MTHFD1: variants seen among roughly 807,000 people sequenced by gnomAD.
The protein encoded by MTHFD1 is methylenetetrahydrofolate dehydrogenase, cyclohydrolase and formyltetrahydrofolate synthetase 1.
MTHFD1 carries 44 observed loss-of-function variants against 110.3 expected under a neutral mutation model. The observed-to-expected ratio is 0.40, with a 90% CI of 0.31 to 0.51. The LOEUF (loss-of-function observed/expected upper bound fraction) is 0.51. MTHFD1 is among the 20% of genes least tolerant of loss of function. The pLI, the probability that MTHFD1 is intolerant of heterozygous loss-of-function variation, is 0.60. For missense variants in MTHFD1, 909 were observed against 1,173.1 expected (o/e 0.77, Z 3.29); for synonymous variants, 402 against 428.8 (o/e 0.94, Z 0.77).
rs920352416 is a variant in MTHFD1, at chr14:64,448,391, G to A, written c.2279+74G>A. The A allele has an allele frequency of 2.3e-5, 27 of 1,194,330 alleles. No individual in the cohort carries two copies. In the South Asian group the frequency reaches 2.9e-4, roughly 13 times the overall value. 74.0% of individuals were successfully genotyped at this position (1,194,330 alleles called of 1,614,324 possible). On this transcript the variant is annotated intron_variant, in intron 23 of 27. Transcript: ENST00000652337. ...AGCTGATTGTACAGCACTGCTTTTAGCTTTATTTTGTTTTTCAGTTACTGC... is the reference window on the plus strand; with the variant it reads ...AGCTGATTGTACAGCACTGCTTTTAACTTTATTTTGTTTTTCAGTTACTGC...
At chr14:64,440,456 C>A in intron 18 of MTHFD1, 190 bp downstream of exon 18, 1 of 714,702 alleles carries the variant, frequency 1.4e-6, no homozygotes, top group Non-Finnish European at 2.5e-6. Flanking sequence ...TGAATAATAG[C>A]TGGTATGCTT....
Position 64,454,889 on chromosome 14 carries a change from G to A in MTHFD1, c.2718+14G>A. The A allele has an allele frequency of 6.2e-7, 1 of 1,613,786 alleles. No individual in the cohort carries two copies. Among genetic ancestry groups the A allele is most frequent in the Non-Finnish European group, 8.5e-7 (1 of 1,179,690 alleles). ...TTAGTAGGAACGGTAAGTGCATGCT[G>A]CAAGGGAGTAGTGGGCGCATCTGCA... is the stretch of plus-strand genomic sequence containing the variant. On this transcript the variant is annotated intron_variant, in intron 26 of 27. Transcript: ENST00000652337.
chr14:64,448,366 A>G (rs1008344314), intron 23 of MTHFD1, 49 bp downstream of exon 23: 2 of 1,362,050 alleles, frequency 1.5e-6, no homozygotes, highest in African/African-American at 2.9e-5. Flanking sequence ...AATCTCCTGG[A>G]GCTGATTGTA....
chr14:64,442,468 C>T, intron 21 of MTHFD1, 66 bp downstream of exon 21: 1 of 1,529,164 alleles, frequency 6.5e-7, no homozygotes, highest in Non-Finnish European at 9.0e-7. Flanking sequence ...AGTTGGATGA[C>T]TTCTGCCTGT....
chr14:64,440,025 C>G, intron 17 of MTHFD1, 101 bp from the exon 18 acceptor site: 1 of 1,028,292 alleles, frequency 9.7e-7, no homozygotes, highest in Non-Finnish European at 1.4e-6. Context: ...TCCTTTTAAG[C>G]TATTTGTTTA....
At chr14:64,450,834 AGT>A (rs200717274) in intron 24 of MTHFD1, among the ~76,000 whole-genome samples, 4,381 of 152,134 alleles carry the variant, frequency 0.029, 188 homozygotes, top group African/African-American at 0.1. Flanking sequence ...CAGCCCCCTG[AGT>A]AGGTGGGACC....
Position 64,441,404 on chromosome 14 carries a change from C to T in MTHFD1, c.1835C>T (p.Thr612Ile), listed in dbSNP as rs369899921. The T allele has an allele frequency of 6.2e-7, 1 of 1,613,942 alleles. No individual in the cohort carries two copies. Among genetic ancestry groups the T allele is most frequent in the African/African-American group, 1.3e-5 (1 of 74,882 alleles). Residue 612 changes from threonine to isoleucine, a missense_variant, in exon 19 of 28, where the codon ACA becomes ATA. Coordinates refer to ENST00000652337, the MANE Select transcript of MTHFD1 (RefSeq NM_005956.4). ...AEDLGVSGAL[T>I]VLMKDAIKPN... ...TTGTAGGGGGTGAGTGGTGCACTGA[C>T]AGTGCTTATGAAGGACGCAATCAAG...
intron 23 of MTHFD1, chr14:64,448,535 TTCCTTTCCAC>T: frequency 1.8e-6 from 1 of 570,696 alleles, no homozygotes; most frequent in Non-Finnish European, 3.1e-6. Context: ...ATGGGCCCTT[TTCCTTTCCAC>T]TGGGGGAAGT....
In MTHFD1 at chr14:64,431,636, C is replaced by A; in HGVS notation, c.1416C>A (p.Asp472Glu). The A allele has an allele frequency of 6.2e-7, 1 of 1,613,852 alleles. No homozygotes were observed. The highest frequency in any genetic ancestry group is 8.5e-7 in the Non-Finnish European group (1 of 1,179,762). ...ARIFHELTQTDKALFNRLVPS... is the reference protein window; with the variant it reads ...ARIFHELTQTEKALFNRLVPS... ...TATTTCATGAACTGACCCAGACAGACAAGGTAGGATGCCAAAGCCCCATGA... is the reference window on the plus strand; with the variant it reads ...TATTTCATGAACTGACCCAGACAGAAAAGGTAGGATGCCAAAGCCCCATGA... Residue 472 changes from aspartate to glutamate, a missense_variant, in exon 14 of 28, where the codon GAC (aspartate) becomes GAA (glutamate). Coordinates refer to ENST00000652337, the MANE Select transcript of MTHFD1 (RefSeq NM_005956.4).
intron 3 of MTHFD1, among the ~76,000 whole-genome samples, chr14:64,412,061 A>C (rs1335447256): frequency 6.6e-6 from 1 of 152,210 alleles, no homozygotes; most frequent in Non-Finnish European, 1.5e-5. Context: ...TGAAATTTTA[A>C]CAGAAACATC....
At chr14:64,445,593 G>A (rs758049494) in intron 22 of MTHFD1, among the ~76,000 whole-genome samples, 3 of 152,126 alleles carry the variant, frequency 2.0e-5, no homozygotes, top group Non-Finnish European at 4.4e-5. Flanking sequence ...CACTGTTCAG[G>A]CCCCAAATGA....
chr14:64,432,079 C>T (rs556515946), intron 15 of MTHFD1, among the ~76,000 whole-genome samples: 34 of 152,174 alleles, frequency 2.2e-4, no homozygotes, highest in Non-Finnish European at 3.5e-4. Flanking sequence ...AAATAGAACA[C>T]TGACAACCTG....
rs1044067658 is a variant in MTHFD1, at chr14:64,441,857, C to A, written c.1885-197C>A. The A allele has an allele frequency of 3.2e-5, 21 of 655,520 alleles. No individual in the cohort carries two copies. The African/African-American group carries it at 3.8e-4, about 12-fold the overall frequency. 40.6% of individuals were successfully genotyped at this position (655,520 alleles called of 1,614,324 possible). A position where few individuals can be genotyped will look rare whatever the true frequency, so the allele number is the denominator to read the frequency against. On this transcript the variant is annotated intron_variant, in intron 19 of 27. Transcript: ENST00000652337. Reference sequence around the variant, plus strand: ...TAACCTGGGTAGTCAAGACCTTCTCCACTTGCTCATCTCTTTCTTCTCATT... The same window carrying A: ...TAACCTGGGTAGTCAAGACCTTCTCAACTTGCTCATCTCTTTCTTCTCATT...
intron 2 of MTHFD1, 26 bp downstream of exon 2, chr14:64,400,903 ATGT>A (rs1355198944): frequency 6.6e-7 from 1 of 1,510,642 alleles, no homozygotes; most frequent in Non-Finnish European, 9.2e-7. Flanking sequence ...ATTTTCATTA[ATGT>A]TGTCTTTGCT....
intron 10 of MTHFD1, 77 bp from the exon 11 acceptor site, chr14:64,425,942 T>G: frequency 1.9e-6 from 3 of 1,592,966 alleles, no homozygotes; most frequent in Non-Finnish European, 8.6e-7. Flanking sequence ...TGGGGTTGGG[T>G]TGGGGGCTTG....
intron 2 of MTHFD1, among the ~76,000 whole-genome samples, chr14:64,408,285 C>CCTTTTTTTTT (rs34166790): frequency 1.7e-5 from 2 of 121,208 alleles, no homozygotes. Flanking sequence ...AATCAGCATT[C>CCTTTTTTTTT]TTTTTTTTTT....
chr14:64,406,349 AT>A (rs1294376684), intron 2 of MTHFD1, among the ~76,000 whole-genome samples: 1 of 151,848 alleles, frequency 6.6e-6, no homozygotes, highest in Non-Finnish European at 1.5e-5. Flanking sequence ...AATTTTATAT[AT>A]TTTTAATAAT....
intron 13 of MTHFD1, 74 bp downstream of exon 13, chr14:64,430,304 C>A: frequency 1.5e-6 from 2 of 1,357,098 alleles, no homozygotes; most frequent in South Asian, 2.3e-5. Context: ...AATTAGCTCC[C>A]TTTTTTTCCC....
At chr14:64,434,949 C>CT (rs374039248) in intron 15 of MTHFD1, among the ~76,000 whole-genome samples, 26,068 of 80,560 alleles carry the variant, frequency 0.32, 7,479 homozygotes, top group East Asian at 0.47. Context: ...TCCCTCTTTT[C>CT]TTTTTTTTTT....
Sources: allele counts gnomAD v4.1 joint callset (sites outside exome capture counted in the v4.1 genomes callset), GRCh38; gene constraint gnomAD v4.1.1; transcripts MANE v1.5; gene names NCBI Gene and HGNC (gene_info 2026-07-23, HGNC 2026-07-21).